The following WWOX variants were observed in gnomAD, a reference collection of about 807,000 sequenced individuals.
WWOX encodes WW domain containing oxidoreductase.
Under a neutral mutation model 46.2 loss-of-function variants are expected in WWOX, and 69 were observed. That is an observed-to-expected ratio of 1.49 (90% CI 1.23 to 1.82). The LOEUF (loss-of-function observed/expected upper bound fraction) is 1.82. WWOX is among the 40% of genes most tolerant of loss of function. WWOX has a pLI of 0.00. For synonymous variants in WWOX, 359 were observed against 202.6 expected (o/e 1.77, Z -6.56); for missense variants, 919 against 542.6 (o/e 1.69, Z -6.89).
At chr16:78,541,208 C>G (rs1277833876) in intron 8 of WWOX, among the ~76,000 whole-genome samples, 1 of 152,006 alleles carries the variant, frequency 6.6e-6, no homozygotes, top group East Asian at 1.9e-4. Context: ...GGCGCGGTGG[C>G]TCACGCCTGT....
chr16:78,878,744 T>C (rs1335164955), intron 8 of WWOX, among the ~76,000 whole-genome samples: 1 of 152,024 alleles, frequency 6.6e-6, no homozygotes, highest in East Asian at 1.9e-4. Flanking sequence ...CTGACAATGT[T>C]AGTGAAGTTG....
intron 8 of WWOX, among the ~76,000 whole-genome samples, chr16:78,946,783 G>C (rs562426280): frequency 6.6e-6 from 1 of 151,952 alleles, no homozygotes; most frequent in Admixed American, 6.6e-5. Flanking sequence ...GCCCCCGGGG[G>C]AGCTCAGTGC....
chr16:78,614,826 G>A (rs1240182555), intron 8 of WWOX, among the ~76,000 whole-genome samples: 1 of 152,206 alleles, frequency 6.6e-6, no homozygotes, highest in Non-Finnish European at 1.5e-5. Context: ...GAATGCATGT[G>A]CAGAACGTGC....
chr16:78,575,917 A>T (rs928030318), intron 8 of WWOX, among the ~76,000 whole-genome samples: 1 of 152,224 alleles, frequency 6.6e-6, no homozygotes, highest in Non-Finnish European at 1.5e-5. Context: ...TATATAAAAC[A>T]TGCTATATTA....
At chr16:78,668,825 A>C (rs1286349409) in intron 8 of WWOX, among the ~76,000 whole-genome samples, 1 of 152,136 alleles carries the variant, frequency 6.6e-6, no homozygotes, top group Non-Finnish European at 1.5e-5. Context: ...GCACCTTCAG[A>C]GCGTGTCTGA....
chr16:78,518,920 C>G (rs2043292813), intron 8 of WWOX, among the ~76,000 whole-genome samples: 1 of 152,224 alleles, frequency 6.6e-6, no homozygotes, highest in Non-Finnish European at 1.5e-5. Flanking sequence ...TGGTTCATAG[C>G]TGTGGTCTTC....
intron 8 of WWOX, among the ~76,000 whole-genome samples, chr16:78,540,020 T>TCTCTCA (rs369075883): frequency 1.1e-3 from 143 of 132,918 alleles, no homozygotes; most frequent in African/African-American, 1.8e-3. Context: ...TCTCTCTCTC[T>TCTCTCA]CACACACACA....
chr16:78,831,334 G>C (rs937939671), intron 8 of WWOX, among the ~76,000 whole-genome samples: 4 of 152,166 alleles, frequency 2.6e-5, no homozygotes, highest in East Asian at 1.9e-4. Context: ...CCCCTGACCA[G>C]CCTCCAAGAT....
intron 8 of WWOX, among the ~76,000 whole-genome samples, chr16:78,983,306 C>G (rs1201971226): frequency 2.6e-5 from 4 of 152,166 alleles, no homozygotes; most frequent in East Asian, 3.9e-4. Context: ...AGAGTAGAAT[C>G]AGGAACCAGG....
intron 4 of WWOX, among the ~76,000 whole-genome samples, chr16:78,148,641 T>TA (rs530567718): frequency 5.8e-4 from 89 of 152,164 alleles, no homozygotes; most frequent in Middle Eastern, 3.4e-3. Flanking sequence ...CTCACGCCTG[T>TA]AATCCCAGCA....
chr16:78,499,892 A>G (rs1247402903), intron 8 of WWOX, among the ~76,000 whole-genome samples: 1 of 152,166 alleles, frequency 6.6e-6, no homozygotes, highest in African/African-American at 2.4e-5. Context: ...AATGTGCTAT[A>G]AATAGACATT....
At chr16:78,293,743 C>T (rs765519814) in intron 5 of WWOX, among the ~76,000 whole-genome samples, 10 of 152,022 alleles carry the variant, frequency 6.6e-5, no homozygotes, top group South Asian at 2.1e-4. Context: ...TTTGAGAGGC[C>T]GAGGCTGGCA....
intron 5 of WWOX, among the ~76,000 whole-genome samples, chr16:78,252,148 C>G (rs1401978945): frequency 6.6e-6 from 1 of 152,132 alleles, no homozygotes; most frequent in Non-Finnish European, 1.5e-5. Context: ...AGAGGGGCAT[C>G]TTGCACTTGT....
chr16:78,853,877 C>G (rs898839500), intron 8 of WWOX, among the ~76,000 whole-genome samples: 1 of 152,146 alleles, frequency 6.6e-6, no homozygotes. Flanking sequence ...GACTGTCTGT[C>G]TGTCATATGA....
chr16:78,959,543 C>G (rs766692551), intron 8 of WWOX, among the ~76,000 whole-genome samples: 3 of 152,218 alleles, frequency 2.0e-5, no homozygotes, highest in Non-Finnish European at 2.9e-5. Context: ...ATCCATTCAT[C>G]TGTCCATTCA....
At chr16:78,466,322 C>T (rs1023206448) in intron 8 of WWOX, among the ~76,000 whole-genome samples, 3 of 152,090 alleles carry the variant, frequency 2.0e-5, no homozygotes, top group African/African-American at 4.8e-5. Flanking sequence ...TGAGCCATTG[C>T]ACCCGGCTAT....
intron 8 of WWOX, among the ~76,000 whole-genome samples, chr16:79,123,440 C>T (rs745930040): frequency 1.3e-5 from 2 of 152,116 alleles, no homozygotes; most frequent in Non-Finnish European, 2.9e-5. Flanking sequence ...GTGAATCTGT[C>T]GTTTGTTGAG....
intron 8 of WWOX, chr16:78,996,459 C>G (rs921825905): frequency 1.0e-4 from 43 of 418,882 alleles, no homozygotes; most frequent in African/African-American, 7.3e-4. Context: ...GTGCTCAGCA[C>G]TGGGCCGGAC....
intron 6 of WWOX, among the ~76,000 whole-genome samples, chr16:78,400,837 G>T (rs547023776): frequency 1.3e-5 from 2 of 152,178 alleles, no homozygotes; most frequent in Non-Finnish European, 2.9e-5. Flanking sequence ...TTTGTTACTT[G>T]TTTCTGAGAT....
Sources: gnomAD v4.1 joint callset for allele counts (sites outside exome capture counted in the v4.1 genomes callset) on GRCh38, gnomAD v4.1.1 for gene constraint, MANE v1.5 for transcripts, NCBI Gene and HGNC (gene_info 2026-07-23, HGNC 2026-07-21) for gene names.